The following MAP3K20 variants were observed in gnomAD, a reference collection of about 807,000 sequenced individuals.
The protein encoded by MAP3K20 is mitogen-activated protein kinase kinase kinase 20, also known as HCCS-4.
Under a neutral mutation model 85.7 loss-of-function variants are expected in MAP3K20, and 40 were observed. That is an observed-to-expected ratio of 0.47 (90% confidence interval 0.36 to 0.61). The LOEUF is 0.61. MAP3K20 is among the 20% of genes least tolerant of loss of function. The pLI is 0.00. For synonymous variants in MAP3K20, 325 were observed against 327.7 expected, an observed-to-expected ratio of 0.99 and a Z score of 0.09; for missense variants, 817 against 961.7, an observed-to-expected ratio of 0.85 and a Z score of 1.99.
chr2:173,166,432 T>C (rs2106246010), intron 2 of MAP3K20: 1 of 152,310 alleles, frequency 6.6e-6, no homozygotes, highest in East Asian at 1.9e-4. Context: ...AGAAAAGCAT[T>C]TTGCACACTG....
In MAP3K20 at chr2:173,198,841, G is replaced by C. The variant is rs1244102913; in HGVS notation, c.669+729G>C. ...CCTATGAGCCTACATCAGAGAACAT[G>C]GTACATTCATATCAAAGAGAGCAAC... On this transcript the variant is annotated intron_variant, in intron 8 of 19. Coordinates refer to ENST00000375213, the MANE Select transcript of MAP3K20 (RefSeq NM_016653.3). This position sits in a 1 kb window ranked among gnomAD's most constrained non-coding sequence, Gnocchi z 5.8. 1 of 152,560 alleles carries C rather than the reference G, an allele frequency of 6.6e-6. No homozygotes were observed. The highest frequency in any genetic ancestry group is 2.1e-4 in the South Asian group (1 of 4,830). 9.5% of individuals were successfully genotyped at this position (152,560 alleles called of 1,614,324 possible). A position where few individuals can be genotyped will look rare whatever the true frequency, so the allele number is the denominator to read the frequency against.
intron 2 of MAP3K20, among the ~76,000 whole-genome samples, chr2:173,129,404 A>G (rs1301863692): frequency 1.3e-5 from 2 of 152,204 alleles, no homozygotes. Flanking sequence ...CCTTTGGTTT[A>G]AAATATTATG....
chr2:173,115,182 A>G (rs1207956005), intron 2 of MAP3K20, among the ~76,000 whole-genome samples: 1 of 152,048 alleles, frequency 6.6e-6, no homozygotes, highest in Non-Finnish European at 1.5e-5. Context: ...TTTATCTTCT[A>G]CTTGTTTGAT....
At chr2:173,190,851 C>T in intron 5 of MAP3K20, 44 bp from the exon 6 acceptor site, 1 of 1,526,830 alleles carries the variant, frequency 6.5e-7, no homozygotes, top group South Asian at 1.2e-5. Flanking sequence ...ACAGCTCAAA[C>T]AAATTAGATG....
At position 173,203,783 on chromosome 2, in the gene MAP3K20, C is replaced by T. The variant is rs780329729; in HGVS notation, c.670-13C>T. On this transcript the variant is annotated splice_polypyrimidine_tract_variant and intron_variant, in intron 8 of 19. Transcript: ENST00000375213. Reference sequence around the variant, plus strand: ...CTGTTTTATTTTGTTTTGTTTCCCTCTGTCTATTGTAGAGATTAACCATTC... The same window carrying T: ...CTGTTTTATTTTGTTTTGTTTCCCTTTGTCTATTGTAGAGATTAACCATTC... The T allele has an allele frequency of 6.2e-7, 1 of 1,601,620 alleles. No individual in the cohort carries two copies. Among genetic ancestry groups the T allele is most frequent in the Admixed American group, 1.7e-5 (1 of 59,976 alleles).
chr2:173,229,714 C>T lies in MAP3K20; in HGVS notation c.1013C>T (p.Ala338Val). ...TPLLPSFEIG[A>V]WTEDDVYCWV... The stretch of plus-strand genomic sequence containing the variant: ...CTGCTGCCTTCCTTTGAGATTGGTG[C>T]ATGGACGGAAGACGATGTGGTAAGC... Residue 338 changes from alanine (A) to valine (V), a missense_variant, in exon 12 of 20, where the codon GCA (alanine) becomes GTA (valine). Physicochemically the swap from Ala to Val is moderately conservative, Grantham distance 64. Transcript: ENST00000375213. The T allele has an allele frequency of 6.2e-7, 1 of 1,614,034 alleles. No homozygotes were observed. The highest frequency in any genetic ancestry group is 8.5e-7 in the Non-Finnish European group (1 of 1,180,010).
At chr2:173,153,141 A>G (rs529182972) in intron 2 of MAP3K20, among the ~76,000 whole-genome samples, 1 of 152,340 alleles carries the variant, frequency 6.6e-6, no homozygotes, top group East Asian at 1.9e-4. Context: ...GGATTTGAAT[A>G]TGTTCTGATA....
chr2:173,075,865 G>A lies in MAP3K20; in HGVS notation c.-172G>A. The A allele has an allele frequency of 1.0e-6, 1 of 985,280 alleles. No homozygotes were observed. Among genetic ancestry groups the A allele is most frequent in the Non-Finnish European group, 1.2e-6 (1 of 829,900 alleles). 61.0% of individuals were successfully genotyped at this position (985,280 alleles called of 1,614,324 possible). The stretch of plus-strand genomic sequence containing the variant: ...GTCTTCCTCATTGGCGCCGTGCAGA[G>A]AGGCGGAATGTTCAACTCCTAACTG... On this transcript the variant is annotated 5_prime_UTR_variant, in exon 1 of 20. Coordinates refer to ENST00000375213, the MANE Select transcript of MAP3K20 (RefSeq NM_016653.3).
intron 16 of MAP3K20, among the ~76,000 whole-genome samples, chr2:173,241,339 G>A (rs948184357): frequency 6.6e-6 from 1 of 152,120 alleles, no homozygotes; most frequent in Non-Finnish European, 1.5e-5. Context: ...AAGACTGGGC[G>A]CAGTGAATCA....
chr2:173,125,317 A>G (rs530399362), intron 2 of MAP3K20, among the ~76,000 whole-genome samples: 2 of 152,192 alleles, frequency 1.3e-5, no homozygotes, highest in East Asian at 1.9e-4. Flanking sequence ...GCATTACTGT[A>G]TATCAGTGAA....
At chr2:173,250,949 G>C (rs933498665) in intron 16 of MAP3K20, among the ~76,000 whole-genome samples, 1 of 152,026 alleles carries the variant, frequency 6.6e-6, no homozygotes, top group African/African-American at 2.4e-5. Flanking sequence ...AGTGTAGCAG[G>C]GTTATACTTA....
rs553073054 is a variant in MAP3K20, at chr2:173,082,448, A to G, written c.-35+6446A>G. On this transcript the variant is annotated intron_variant, in intron 1 of 19. Coordinates refer to ENST00000375213, the MANE Select transcript of MAP3K20 (RefSeq NM_016653.3). ...CATTCACCCTTCTCAGGGAGTATTCATTCCAGGCACTCAGTCCAAAGTTGT... is the reference window on the plus strand; with the variant it reads ...CATTCACCCTTCTCAGGGAGTATTCGTTCCAGGCACTCAGTCCAAAGTTGT... 1.7e-4 allele frequency among the ~76,000 whole-genome samples: 26 copies of G among 152,308 alleles called. No homozygotes were observed. In the South Asian group the frequency reaches 3.9e-3, roughly 23 times the overall value.
At chr2:173,112,401 C>CT in intron 2 of MAP3K20, among the ~76,000 whole-genome samples, 1 of 152,200 alleles carries the variant, frequency 6.6e-6, no homozygotes, top group African/African-American at 2.4e-5. Context: ...CCCTTTATTT[C>CT]TTTCTCTTGT....
intron 2 of MAP3K20, among the ~76,000 whole-genome samples, chr2:173,099,752 A>G (rs753162393): frequency 1.3e-5 from 2 of 152,246 alleles, no homozygotes; most frequent in Non-Finnish European, 2.9e-5. Flanking sequence ...AATTTGACCG[A>G]TGGTTAAAAC....
At chr2:173,109,066 C>A (rs1687868993) in intron 2 of MAP3K20, among the ~76,000 whole-genome samples, 1 of 152,088 alleles carries the variant, frequency 6.6e-6, no homozygotes, top group African/African-American at 2.4e-5. Context: ...CATTGATGGC[C>A]CAGAATTTTA....
chr2:173,222,355 G>C lies in MAP3K20; in HGVS notation c.987+5105G>C, dbSNP rs551372610. 26 of 985,888 alleles carry C rather than the reference G, an allele frequency of 2.6e-5. No homozygotes were observed. In the African/African-American group the frequency reaches 4.0e-4, roughly 15 times the overall value. 61.1% of individuals were successfully genotyped at this position (985,888 alleles called of 1,614,324 possible). A position where few individuals can be genotyped will look rare whatever the true frequency, so the allele number is the denominator to read the frequency against. ...AGCACAGCTGCTCAAAGTAAAGCCTGAGCAGTGTTCTCAGTAATGTATTTG... is the reference window on the plus strand; with the variant it reads ...AGCACAGCTGCTCAAAGTAAAGCCTCAGCAGTGTTCTCAGTAATGTATTTG... On this transcript the variant is annotated intron_variant, in intron 11 of 19. Coordinates refer to ENST00000375213, the MANE Select transcript of MAP3K20 (RefSeq NM_016653.3).
intron 14 of MAP3K20, among the ~76,000 whole-genome samples, chr2:173,235,638 T>C (rs558234573): frequency 6.6e-6 from 1 of 152,162 alleles, no homozygotes; most frequent in Non-Finnish European, 1.5e-5. Context: ...GATGAAAATG[T>C]TTTGGAACTA....
intron 2 of MAP3K20, among the ~76,000 whole-genome samples, chr2:173,162,502 A>G (rs1689688588): frequency 6.6e-6 from 1 of 152,086 alleles, no homozygotes; most frequent in South Asian, 2.1e-4. Context: ...CCTGGCCAGC[A>G]TGGTGAAACC....
At chr2:173,247,788 G>T (rs1684953975) in intron 16 of MAP3K20, among the ~76,000 whole-genome samples, 1 of 152,152 alleles carries the variant, frequency 6.6e-6, no homozygotes, top group South Asian at 2.1e-4. Flanking sequence ...TTGTGGTGAT[G>T]GTCTCATAGG....
Sources: allele counts gnomAD v4.1 joint callset (sites outside exome capture counted in the v4.1 genomes callset), GRCh38; gene constraint gnomAD v4.1.1; non-coding constraint Gnocchi (gnomAD v3.1); transcripts MANE v1.5; gene names NCBI Gene and HGNC (gene_info 2026-07-23, HGNC 2026-07-21).